Variants in MUC22 observed in about 807,000 individuals in gnomAD.
MUC22 encodes mucin-22.
MUC22 carries 24 observed loss-of-function variants against 40.3 expected under a neutral mutation model. The observed-to-expected ratio is 0.60, with a 90% CI of 0.43 to 0.84. MUC22 has a LOEUF of 0.84. MUC22 is among the 40% of genes least tolerant of loss of function. The probability of loss-of-function intolerance (pLI) is 0.00; values close to 1 mark genes in which losing one functional copy is unlikely to be tolerated. For missense variants in MUC22, 1,926 were observed against 2,130.7 expected (o/e 0.90, Z 1.89); for synonymous variants, 765 against 844.5 (o/e 0.91, Z 1.63).
At chr6:31,026,911 T>G (rs1765431657) in exon 2 of MUC22, 1 of 1,504,212 alleles carries the variant, frequency 6.6e-7, no homozygotes, top group Non-Finnish European at 8.9e-7. Context: ...AACTGCAGGC[T>G]CTGAGACCAC....
At chr6:31,014,757 T>C (rs967388009) in intron 1 of MUC22, among the ~76,000 whole-genome samples, 5 of 152,208 alleles carry the variant, frequency 3.3e-5, no homozygotes, top group African/African-American at 1.2e-4. Context: ...TGGGTGAATA[T>C]GGTTCTTCCG....
chr6:31,030,147 T>G (rs1164161668), intron 2 of MUC22, 47 bp downstream of exon 2: 1 of 1,464,040 alleles, frequency 6.8e-7, no homozygotes, highest in African/African-American at 1.4e-5. Flanking sequence ...TTAACTCCAG[T>G]GGCAACCACC....
chr6:31,027,246 C>A, exon 2 of MUC22: 1 of 1,437,146 alleles, frequency 7.0e-7, no homozygotes, highest in Non-Finnish European at 9.2e-7. Flanking sequence ...GCTCTGAGAC[C>A]ACCACAGCCT....
At chr6:31,020,029 A>C (rs1239448072) in intron 1 of MUC22, among the ~76,000 whole-genome samples, 1 of 152,212 alleles carries the variant, frequency 6.6e-6, no homozygotes, top group African/African-American at 2.4e-5. Flanking sequence ...TTCCAGAAAA[A>C]AAGGGAACCG....
At chr6:31,013,218 C>T (rs2150744078) in intron 1 of MUC22, among the ~76,000 whole-genome samples, 1 of 151,200 alleles carries the variant, frequency 6.6e-6, no homozygotes, top group Non-Finnish European at 1.5e-5. Flanking sequence ...CCTCTGCCTC[C>T]CAGGTTCAAG....
chr6:31,021,090 CG>C (rs2150765681), intron 1 of MUC22, among the ~76,000 whole-genome samples: 1 of 152,374 alleles, frequency 6.6e-6, no homozygotes, highest in Non-Finnish European at 1.5e-5. Context: ...CGACCGCCCA[CG>C]GGCTGAGGAC....
intron 1 of MUC22, among the ~76,000 whole-genome samples, chr6:31,019,937 G>A (rs1333764395): frequency 6.6e-6 from 1 of 152,160 alleles, no homozygotes; most frequent in Non-Finnish European, 1.5e-5. Context: ...ATGGGGTGGA[G>A]GGAGTATGGG....
chr6:31,028,272 C>G (rs1467325946), exon 2 of MUC22: 13 of 1,534,694 alleles, frequency 8.5e-6, no homozygotes, highest in Non-Finnish European at 8.7e-6. Flanking sequence ...CCACTACAGT[C>G]TCCATCACAG....
intron 1 of MUC22, among the ~76,000 whole-genome samples, chr6:31,022,079 G>T (rs1048091634): frequency 6.6e-6 from 1 of 151,992 alleles, no homozygotes. Context: ...CTTCACTCAT[G>T]AGCCAGCGAG....
At chr6:31,019,047 A>G (rs773453453) in intron 1 of MUC22, among the ~76,000 whole-genome samples, 1 of 152,186 alleles carries the variant, frequency 6.6e-6, no homozygotes, top group Non-Finnish European at 1.5e-5. Context: ...TTTTGATCTG[A>G]TTTCTCCTCT....
intron 1 of MUC22, among the ~76,000 whole-genome samples, chr6:31,017,948 ACT>A (rs1338862405): frequency 1.3e-5 from 2 of 152,192 alleles, no homozygotes; most frequent in Non-Finnish European, 1.5e-5. Context: ...GAGTTGTAAC[ACT>A]CACTGCGAAA....
At chr6:31,031,532 A>G (rs1766064845) in intron 2 of MUC22, among the ~76,000 whole-genome samples, 1 of 152,074 alleles carries the variant, frequency 6.6e-6, no homozygotes, top group Non-Finnish European at 1.5e-5. Context: ...AATTTTTTCC[A>G]TAAGTTATTG....
At chr6:31,010,860 A>T in intron 1 of MUC22, 84 bp downstream of exon 1, 2 of 659,640 alleles carry the variant, frequency 3.0e-6, no homozygotes, top group Non-Finnish European at 2.7e-6. Flanking sequence ...CTGCCCAGGC[A>T]TGACTCTTCT....
exon 2 of MUC22, chr6:31,029,103 G>A (rs951350423): frequency 1.5e-4 from 232 of 1,534,588 alleles, no homozygotes; most frequent in Non-Finnish European, 2.0e-4. Flanking sequence ...TGGGCTCTGA[G>A]ACCACCACGG....
At chr6:31,028,037 C>T (rs968224195) in exon 2 of MUC22, 1 of 1,532,978 alleles carries the variant, frequency 6.5e-7, no homozygotes, top group African/African-American at 1.4e-5. Context: ...ACCTCAGCCT[C>T]TACTACAGGC....
upstream of MUC22, among the ~76,000 whole-genome samples, chr6:31,009,360 C>T (rs553721674): frequency 7.9e-4 from 121 of 152,296 alleles, no homozygotes; most frequent in Middle Eastern, 3.4e-3. Context: ...AGCCACCGCA[C>T]CCGGCCAATT....
At chr6:31,021,087 C>T (rs1764689277) in intron 1 of MUC22, among the ~76,000 whole-genome samples, 1 of 152,242 alleles carries the variant, frequency 6.6e-6, no homozygotes, top group Non-Finnish European at 1.5e-5. Flanking sequence ...CACCGACCGC[C>T]CACGGGCTGA....
exon 1 of MUC22, chr6:31,010,656 C>G: frequency 1.4e-6 from 1 of 702,080 alleles, no homozygotes; most frequent in South Asian, 1.5e-5. Context: ...ACCTATCCTT[C>G]CTTTGGAACC....
At chr6:31,026,828 C>T in exon 2 of MUC22, 4 of 1,494,216 alleles carry the variant, frequency 2.7e-6, no homozygotes, top group Non-Finnish European at 3.6e-6. Context: ...GGCTCTGAGA[C>T]CACAACAGCC....
Sources: allele counts gnomAD v4.1 joint callset (sites outside exome capture counted in the v4.1 genomes callset), GRCh38; gene constraint gnomAD v4.1.1; transcripts MANE v1.5; gene names NCBI Gene and HGNC (gene_info 2026-07-23, HGNC 2026-07-21).